Variants in NELL2 observed in about 807,000 individuals in gnomAD.
The protein encoded by NELL2 is neural EGFL like 2.
In NELL2, 41 loss-of-function variants were observed where a neutral mutation model predicts 109.6. The observed-to-expected ratio is 0.37, with a 90% confidence interval of 0.29 to 0.49. The LOEUF (loss-of-function observed/expected upper bound fraction) is 0.49. Among genes scored for constraint, NELL2 ranks in the 20% least tolerant of loss-of-function variants. The pLI, the probability that NELL2 is intolerant of heterozygous loss-of-function variation, is 0.98. For missense variants in NELL2, 900 were observed against 1,008.3 expected, an observed-to-expected ratio of 0.89 and a Z score of 1.45; for synonymous variants, 355 against 344.7, an observed-to-expected ratio of 1.03 and a Z score of -0.33.
At chr12:44,672,723 ATTTACAGCCACAAT>A (rs1286172082) in intron 12 of NELL2, among the ~76,000 whole-genome samples, 1 of 152,186 alleles carries the variant, frequency 6.6e-6, no homozygotes, top group East Asian at 1.9e-4. Context: ...ATGTGACCCT[ATTTACAGCCACAAT>A]GGTGGATAAT....
At chr12:44,569,564 G>A (rs1161547059) in intron 15 of NELL2, among the ~76,000 whole-genome samples, 1 of 152,038 alleles carries the variant, frequency 6.6e-6, no homozygotes, top group Non-Finnish European at 1.5e-5. Flanking sequence ...AGTGAAAATA[G>A]TTTTAGTTTA....
chr12:44,921,312 C>T (rs1945866524), intron 1 of NELL2, among the ~76,000 whole-genome samples: 1 of 152,136 alleles, frequency 6.6e-6, no homozygotes, highest in Non-Finnish European at 1.5e-5. Context: ...GCACAAAATA[C>T]TAAGCTAGGC....
intron 15 of NELL2, among the ~76,000 whole-genome samples, chr12:44,575,474 G>A (rs1944039115): frequency 6.6e-6 from 1 of 152,224 alleles, no homozygotes; most frequent in South Asian, 2.1e-4. Flanking sequence ...CCTAGCATCA[G>A]AGAGATATGG....
intron 2 of NELL2, among the ~76,000 whole-genome samples, chr12:44,854,740 ATGGG>A (rs1944633522): frequency 6.6e-6 from 1 of 151,280 alleles, no homozygotes; most frequent in Non-Finnish European, 1.5e-5. Flanking sequence ...GGATGGATGG[ATGGG>A]TGGATGGGTG....
intron 15 of NELL2, among the ~76,000 whole-genome samples, chr12:44,581,942 C>T (rs577740266): frequency 6.6e-6 from 1 of 152,140 alleles, no homozygotes; most frequent in Non-Finnish European, 1.5e-5. Context: ...ACATTTTAAG[C>T]TCACACTAAA....
intron 2 of NELL2, among the ~76,000 whole-genome samples, chr12:44,851,412 C>A (rs1038555639): frequency 1.3e-5 from 2 of 152,102 alleles, no homozygotes; most frequent in Non-Finnish European, 2.9e-5. Context: ...TGTTCTAAAA[C>A]CTCAGACAAG....
intron 2 of NELL2, among the ~76,000 whole-genome samples, chr12:44,832,228 T>G (rs997251546): frequency 6.6e-6 from 1 of 152,226 alleles, no homozygotes; most frequent in Non-Finnish European, 1.5e-5. Flanking sequence ...TCAACAGATA[T>G]GGATATAATT....
intron 12 of NELL2, among the ~76,000 whole-genome samples, chr12:44,685,557 T>C (rs1216931207): frequency 6.6e-6 from 1 of 152,194 alleles, no homozygotes; most frequent in African/African-American, 2.4e-5. Flanking sequence ...TGGTACTGGT[T>C]GTTCCTTTCC....
At chr12:44,702,128 C>T (rs1194344022) in intron 12 of NELL2, among the ~76,000 whole-genome samples, 1 of 152,138 alleles carries the variant, frequency 6.6e-6, no homozygotes, top group Non-Finnish European at 1.5e-5. Context: ...TCTCCCCTCA[C>T]TCCCTGTCCC....
intron 12 of NELL2, among the ~76,000 whole-genome samples, chr12:44,676,882 T>C (rs1041577552): frequency 3.9e-5 from 6 of 152,118 alleles, no homozygotes; most frequent in Non-Finnish European, 8.8e-5. Context: ...ATGTCCAAGG[T>C]ACTATAATAA....
chr12:44,779,255 G>A (rs923508099), intron 5 of NELL2, among the ~76,000 whole-genome samples: 1 of 152,134 alleles, frequency 6.6e-6, no homozygotes. Context: ...ACTTTCTGCA[G>A]TACAAGGAGA....
Position 44,673,624 on chromosome 12 carries a change from C to T in NELL2, c.1319-8015G>A, listed in dbSNP as rs558902131. ...AGAGTGCCCCACTGGGCCACATGGA[C>T]CTTCGCATCCCATCCAAAATTTATT... is the stretch of plus-strand genomic sequence containing the variant. On this transcript the variant is annotated intron_variant, in intron 12 of 19. Transcript: ENST00000429094. 5.3e-5 allele frequency among the ~76,000 whole-genome samples: 8 copies of T among 152,282 alleles called. No individual in the cohort carries two copies. The South Asian group carries it at 1.7e-3, about 32-fold the overall frequency.
intron 1 of NELL2, among the ~76,000 whole-genome samples, chr12:44,898,627 A>G (rs1283164066): frequency 6.6e-6 from 1 of 152,230 alleles, no homozygotes; most frequent in Non-Finnish European, 1.5e-5. Flanking sequence ...GACCAAAGGT[A>G]GACGAATCCA....
intron 1 of NELL2, among the ~76,000 whole-genome samples, chr12:44,882,282 G>T (rs1033982710): frequency 4.6e-5 from 7 of 151,278 alleles, no homozygotes; most frequent in African/African-American, 1.7e-4. Flanking sequence ...CATTGCTGCG[G>T]TAACAAATTA....
intron 9 of NELL2, among the ~76,000 whole-genome samples, chr12:44,762,286 A>G (rs1941159160): frequency 2.0e-5 from 3 of 152,068 alleles, no homozygotes; most frequent in African/African-American, 7.2e-5. Flanking sequence ...AGCCTTTCCA[A>G]TCTCAGGTAT....
At chr12:44,688,696 C>T (rs1266368997) in intron 12 of NELL2, among the ~76,000 whole-genome samples, 2 of 152,190 alleles carry the variant, frequency 1.3e-5, no homozygotes, top group Admixed American at 1.3e-4. Flanking sequence ...TTGATCCATA[C>T]AAATCCTTTA....
intron 15 of NELL2, among the ~76,000 whole-genome samples, chr12:44,585,496 G>T (rs1389381807): frequency 6.6e-6 from 1 of 152,008 alleles, no homozygotes; most frequent in African/African-American, 2.4e-5. Context: ...CAGCTACTCA[G>T]GAGGCTGAGG....
At chr12:44,911,909 T>C (rs889986076) in intron 1 of NELL2, among the ~76,000 whole-genome samples, 7 of 151,778 alleles carry the variant, frequency 4.6e-5, no homozygotes, top group Admixed American at 3.9e-4. Flanking sequence ...ACATGGCACA[T>C]GTATACATAT....
intron 2 of NELL2, among the ~76,000 whole-genome samples, chr12:44,821,731 T>G (rs1456590043): frequency 6.6e-6 from 1 of 151,914 alleles, no homozygotes; most frequent in Non-Finnish European, 1.5e-5. Context: ...TTAATTTTTT[T>G]TTTTTAGACA....
Sources: allele counts gnomAD v4.1 joint callset (sites outside exome capture counted in the v4.1 genomes callset), GRCh38; gene constraint gnomAD v4.1.1; transcripts MANE v1.5; gene names NCBI Gene and HGNC (gene_info 2026-07-23, HGNC 2026-07-21).